CNTN4: variants seen among roughly 807,000 people sequenced by gnomAD.
The protein encoded by CNTN4 is contactin-4.
In CNTN4, 77 loss-of-function variants were observed where a neutral mutation model predicts 122.5. The observed-to-expected ratio is 0.63, with a 90% CI of 0.52 to 0.76. CNTN4 has a LOEUF of 0.76. Ranked by LOEUF, CNTN4 falls within the 30% of genes least tolerant of loss-of-function variation. CNTN4 has a pLI of 0.00. For missense variants in CNTN4, 1,256 were observed against 1,259.1 expected, an observed-to-expected ratio of 1.00 and a Z score of 0.04; for synonymous variants, 512 against 447.0, an observed-to-expected ratio of 1.15 and a Z score of -1.83.
chr3:2,283,986 T>C (rs2041816506), intron 2 of CNTN4, among the ~76,000 whole-genome samples: 1 of 152,200 alleles, frequency 6.6e-6, no homozygotes, highest in Middle Eastern at 3.4e-3. Flanking sequence ...TTCTTACTTA[T>C]CTAGTTCATC....
chr3:2,547,728 T>C (rs1431104538), intron 3 of CNTN4, among the ~76,000 whole-genome samples: 1 of 152,096 alleles, frequency 6.6e-6, no homozygotes, highest in Non-Finnish European at 1.5e-5. Flanking sequence ...AAACCAAAAA[T>C]TGTGAACCTC....
chr3:2,581,654 G>T (rs1415819346), intron 4 of CNTN4, among the ~76,000 whole-genome samples: 1 of 152,106 alleles, frequency 6.6e-6, no homozygotes, highest in East Asian at 1.9e-4. Context: ...AGTTTTTCCA[G>T]AGAACCTGCA....
intron 4 of CNTN4, among the ~76,000 whole-genome samples, chr3:2,581,269 AC>A (rs1186004786): frequency 6.6e-6 from 1 of 152,094 alleles, no homozygotes; most frequent in Non-Finnish European, 1.5e-5. Flanking sequence ...CTAAAGCTAT[AC>A]CTTAAGTACT....
chr3:2,779,458 C>G (rs969376928), intron 6 of CNTN4, among the ~76,000 whole-genome samples: 2 of 152,156 alleles, frequency 1.3e-5, no homozygotes, highest in Non-Finnish European at 2.9e-5. Flanking sequence ...CTTGGCCTCC[C>G]AAAGTGCTGG....
chr3:2,881,312 A>T (rs1214854960), intron 8 of CNTN4, among the ~76,000 whole-genome samples: 1 of 152,172 alleles, frequency 6.6e-6, no homozygotes, highest in Non-Finnish European at 1.5e-5. Flanking sequence ...CAGGAATTCA[A>T]GACGAGCCTG....
intron 7 of CNTN4, among the ~76,000 whole-genome samples, chr3:2,823,729 A>G (rs980298048): frequency 2.6e-5 from 4 of 152,144 alleles, no homozygotes; most frequent in African/African-American, 9.7e-5. Flanking sequence ...GAACTTTGAG[A>G]TTCTTCCTTC....
At chr3:2,633,236 A>C (rs1036193356) in intron 4 of CNTN4, among the ~76,000 whole-genome samples, 5 of 152,168 alleles carry the variant, frequency 3.3e-5, no homozygotes, top group Non-Finnish European at 4.4e-5. Flanking sequence ...GTTCACATAA[A>C]ACACAACATA....
chr3:2,426,163 G>C (rs1253023468), intron 3 of CNTN4, among the ~76,000 whole-genome samples: 7 of 152,084 alleles, frequency 4.6e-5, no homozygotes, highest in Admixed American at 2.0e-4. Context: ...AAACGAAATG[G>C]TTCCAGTTTT....
intron 4 of CNTN4, among the ~76,000 whole-genome samples, chr3:2,586,131 G>A (rs1470529065): frequency 6.6e-6 from 1 of 152,102 alleles, no homozygotes; most frequent in Non-Finnish European, 1.5e-5. Context: ...ACTAAATTGG[G>A]TCAAGTAAGT....
intron 6 of CNTN4, among the ~76,000 whole-genome samples, chr3:2,794,762 G>A (rs1340025333): frequency 1.3e-5 from 2 of 152,210 alleles, no homozygotes; most frequent in African/African-American, 2.4e-5. Context: ...TACAGTTATG[G>A]AGCCTGGGAA....
chr3:2,145,229 T>C (rs961079772), intron 2 of CNTN4, among the ~76,000 whole-genome samples: 2 of 152,208 alleles, frequency 1.3e-5, no homozygotes, highest in African/African-American at 4.8e-5. Flanking sequence ...TTAGTTCTGG[T>C]GGCATTTGGT....
chr3:2,682,182 G>A (rs1276700293), intron 4 of CNTN4, among the ~76,000 whole-genome samples: 2 of 152,150 alleles, frequency 1.3e-5, no homozygotes, highest in East Asian at 3.9e-4. Context: ...GAGAATTCTA[G>A]AATATATAAA....
intron 4 of CNTN4, among the ~76,000 whole-genome samples, chr3:2,667,984 G>C (rs1433234641): frequency 2.0e-5 from 3 of 151,962 alleles, no homozygotes; most frequent in African/African-American, 7.3e-5. Context: ...ATGCTGTTTT[G>C]GTTACTGTAG....
At chr3:2,955,972 C>T (rs2094795500) in intron 13 of CNTN4, among the ~76,000 whole-genome samples, 1 of 152,128 alleles carries the variant, frequency 6.6e-6, no homozygotes, top group Non-Finnish European at 1.5e-5. Flanking sequence ...AGCAAGGACT[C>T]AGCTAGATAT....
chr3:2,286,208 C>CGT lies in CNTN4; in HGVS notation c.-144-52956_-144-52955dup, dbSNP rs372804004. On this transcript the variant is annotated intron_variant, in intron 2 of 24. Coordinates refer to ENST00000418658, the MANE Select transcript of CNTN4 (RefSeq NM_175607.3). ...ATACTGTATTTCTCGGATCTCCTGC[C>CGT]GTGTGTGTGTGTGTGCATACACCCC... Among the ~76,000 whole-genome samples the CGT allele has an allele frequency of 8.7e-3, 1,252 of 143,104 alleles. 16 individuals carry two copies. Among genetic ancestry groups the CGT allele is most frequent in the African/African-American group, 0.028 (1,078 of 38,622 alleles). The allele number at this position is 143,104 out of a possible 152,430, so 93.9% of individuals were successfully genotyped here.
At chr3:2,817,215 C>T (rs964205985) in intron 6 of CNTN4, among the ~76,000 whole-genome samples, 5 of 152,154 alleles carry the variant, frequency 3.3e-5, no homozygotes, top group African/African-American at 4.8e-5. Context: ...TCACAGCATT[C>T]GCAATGGACA....
chr3:2,318,068 C>T (rs537204743), intron 2 of CNTN4, among the ~76,000 whole-genome samples: 1 of 151,816 alleles, frequency 6.6e-6, no homozygotes, highest in Admixed American at 6.6e-5. Context: ...TTTAAGACGC[C>T]GAGCTCTGTG....
intron 4 of CNTN4, among the ~76,000 whole-genome samples, chr3:2,588,460 A>C (rs1300888248): frequency 6.6e-6 from 1 of 151,978 alleles, no homozygotes; most frequent in Non-Finnish European, 1.5e-5. Context: ...TCTGCCTCCC[A>C]GGTTCAAGCT....
intron 3 of CNTN4, among the ~76,000 whole-genome samples, chr3:2,532,160 T>G (rs1035195810): frequency 6.6e-6 from 1 of 152,222 alleles, no homozygotes; most frequent in African/African-American, 2.4e-5. Flanking sequence ...ATTGGAAGAT[T>G]ATACATTTCA....
Sources: allele counts gnomAD v4.1 joint callset (sites outside exome capture counted in the v4.1 genomes callset), GRCh38; gene constraint gnomAD v4.1.1; transcripts MANE v1.5; gene names NCBI Gene and HGNC (gene_info 2026-07-23, HGNC 2026-07-21).